Variants in WDR70 observed in about 807,000 individuals in gnomAD.
The protein encoded by WDR70 is WD repeat domain 70.
Under a neutral mutation model 88.6 loss-of-function variants are expected in WDR70, and 53 were observed. The ratio of observed to expected loss-of-function variants is 0.60; its 90% CI spans 0.48 to 0.75. The LOEUF is 0.75. WDR70 is among the 30% of genes least tolerant of loss of function. The pLI, the probability that WDR70 is intolerant of heterozygous loss-of-function variation, is 0.00. For missense variants in WDR70, 610 were observed against 823.2 expected, an observed-to-expected ratio of 0.74 and a Z score of 3.17; for synonymous variants, 280 against 270.0, an observed-to-expected ratio of 1.04 and a Z score of -0.36.
chr5:37,412,573 A>G (rs549080688), intron 5 of WDR70, among the ~76,000 whole-genome samples: 41 of 152,122 alleles, frequency 2.7e-4, no homozygotes, highest in Non-Finnish European at 4.7e-4. Context: ...AGAAAGTTGG[A>G]TTTTTATGAC....
intron 9 of WDR70, among the ~76,000 whole-genome samples, chr5:37,518,537 T>C (rs937270235): frequency 5.3e-5 from 8 of 152,212 alleles, no homozygotes; most frequent in African/African-American, 1.9e-4. Flanking sequence ...CTGGATCTCA[T>C]TCTTTTTTCA....
chr5:37,706,716 TACAC>T (rs58482881), intron 13 of WDR70, among the ~76,000 whole-genome samples: 7 of 149,782 alleles, frequency 4.7e-5, no homozygotes, highest in Admixed American at 1.3e-4. Context: ...AACAGAGTAA[TACAC>T]ACACACACAC....
chr5:37,590,781 C>G (rs1173264451), intron 9 of WDR70, among the ~76,000 whole-genome samples: 1 of 151,904 alleles, frequency 6.6e-6, no homozygotes. Context: ...GAAGTGTGGC[C>G]CTGCAGATAC....
chr5:37,478,211 C>T (rs1425450134), intron 7 of WDR70, among the ~76,000 whole-genome samples: 1 of 152,208 alleles, frequency 6.6e-6, no homozygotes, highest in Non-Finnish European at 1.5e-5. Flanking sequence ...CTGCTCTTAG[C>T]AACAGCTATC....
At chr5:37,444,213 T>C (rs1435624945) in intron 7 of WDR70, among the ~76,000 whole-genome samples, 1 of 151,876 alleles carries the variant, frequency 6.6e-6, no homozygotes, top group Non-Finnish European at 1.5e-5. Context: ...TTCTGAGAAA[T>C]GAGAAATTAA....
At position 37,416,590 on chromosome 5, in the gene WDR70, T is replaced by C. The variant is rs541520220; in HGVS notation, c.492+20020T>C. On this transcript the variant is annotated intron_variant, in intron 5 of 17. Transcript: ENST00000265107. Reference sequence around the variant, plus strand: ...GGGCTTGGGAGAGGGCTTCTTTTTTTTTTTTTTTTGAGATAGTTTCCCTGT... The same window carrying C: ...GGGCTTGGGAGAGGGCTTCTTTTTTCTTTTTTTTTGAGATAGTTTCCCTGT... Among the ~76,000 whole-genome samples, 9 of 149,700 alleles carry C rather than the reference T, an allele frequency of 6.0e-5. No individual in the cohort carries two copies. In the South Asian group the frequency reaches 1.0e-3, roughly 17 times the overall value.
intron 3 of WDR70, among the ~76,000 whole-genome samples, chr5:37,390,714 GC>G (rs1748789797): frequency 7.1e-6 from 1 of 140,908 alleles, no homozygotes; most frequent in African/African-American, 2.9e-5. Flanking sequence ...GAAAAAAAGT[GC>G]TGTTTTTTTT....
chr5:37,450,919 A>G (rs747639149), intron 7 of WDR70, among the ~76,000 whole-genome samples: 3 of 151,850 alleles, frequency 2.0e-5, no homozygotes, highest in Non-Finnish European at 4.4e-5. Context: ...TTTTTTTGAG[A>G]TGGAGTTTCA....
At position 37,379,386 on chromosome 5, in the gene WDR70, A is replaced by G. The variant is rs1248854280; in HGVS notation, c.19A>G (p.Ser7Gly). MERSGP[S>G]EVTGSDASGP... Reference sequence around the variant, plus strand: ...GCCAGCCATGGAGCGCTCTGGGCCCAGCGAAGGTGGGTTTCATGAGGCGAG... The same window carrying G: ...GCCAGCCATGGAGCGCTCTGGGCCCGGCGAAGGTGGGTTTCATGAGGCGAG... The change falls in exon 1 of 18, where the codon AGC (serine) becomes GGC (glycine). Residue 7 changes from serine (S) to glycine (G), a missense_variant. Physicochemically the swap from Ser to Gly is moderately conservative, Grantham distance 56. This residue lies in a region of WDR70 where 203 missense variants were observed against 228.1 expected (regional missense o/e 0.89). Transcript: ENST00000265107. 1 of 1,613,634 alleles carries G rather than the reference A, an allele frequency of 6.2e-7. No individual in the cohort carries two copies. The highest frequency in any genetic ancestry group is 8.5e-7 in the Non-Finnish European group (1 of 1,179,812).
chr5:37,519,778 T>G lies in WDR70; in HGVS notation c.917+3188T>G, dbSNP rs971743636. ...TTTCGATTTACTGATTTCCTTTGTT[T>G]TGGATATATACCCAGCAGTGAGTTC... On this transcript the variant is annotated intron_variant, in intron 9 of 17. Coordinates refer to ENST00000265107, the MANE Select transcript of WDR70 (RefSeq NM_018034.4). Among the ~76,000 whole-genome samples the G allele has an allele frequency of 1.2e-4, 18 of 152,362 alleles. No individual in the cohort carries two copies. In the East Asian group the frequency reaches 3.3e-3, roughly 28 times the overall value.
intron 9 of WDR70, among the ~76,000 whole-genome samples, chr5:37,559,674 G>A (rs904400435): frequency 6.3e-4 from 95 of 151,924 alleles, no homozygotes; most frequent in African/African-American, 2.2e-3. Context: ...GTGAAGCCCC[G>A]TCTCTACTAA....
chr5:37,729,143 A>C (rs1036842386), intron 17 of WDR70, among the ~76,000 whole-genome samples: 2 of 151,986 alleles, frequency 1.3e-5, no homozygotes, highest in Admixed American at 6.6e-5. Context: ...GTACTTCCTT[A>C]CTTTCTGGCA....
chr5:37,686,307 C>A (rs1746596789), intron 10 of WDR70, among the ~76,000 whole-genome samples: 1 of 151,532 alleles, frequency 6.6e-6, no homozygotes, highest in Non-Finnish European at 1.5e-5. Context: ...AGAAGGACAC[C>A]CTGTCTCACA....
In WDR70 at chr5:37,443,096, C is replaced by G. The variant is rs774114736; in HGVS notation, c.553-143C>G. The G allele has an allele frequency of 6.1e-5, 51 of 837,924 alleles. 1 individual carries two copies. Among genetic ancestry groups the G allele is most frequent in the Non-Finnish European group, 9.1e-5 (51 of 558,934 alleles). 51.9% of individuals were successfully genotyped at this position (837,924 alleles called of 1,614,324 possible). A position where few individuals can be genotyped will look rare whatever the true frequency, so the allele number is the denominator to read the frequency against. ...TATGGAAGGCAACCATCCATTCCTG[C>G]TTTTCAGAAGTAACAATAGTTGGTG... On this transcript the variant is annotated intron_variant, in intron 6 of 17. Coordinates refer to ENST00000265107, the MANE Select transcript of WDR70 (RefSeq NM_018034.4).
chr5:37,576,971 C>T (rs764621107), intron 9 of WDR70, among the ~76,000 whole-genome samples: 6 of 152,120 alleles, frequency 3.9e-5, no homozygotes, highest in Non-Finnish European at 7.4e-5. Context: ...ATCCAGGACA[C>T]TCGTGGCAAG....
intron 8 of WDR70, among the ~76,000 whole-genome samples, chr5:37,484,262 A>G (rs1163420746): frequency 6.6e-6 from 1 of 152,230 alleles, no homozygotes; most frequent in Non-Finnish European, 1.5e-5. Context: ...CAGCCTGGGC[A>G]ACATTGAGCA....
chr5:37,509,787 T>A (rs2112239878), intron 8 of WDR70, among the ~76,000 whole-genome samples: 1 of 150,286 alleles, frequency 6.7e-6, no homozygotes, highest in African/African-American at 2.5e-5. Context: ...GCCCTATAGA[T>A]TCTTTTTTTT....
intron 9 of WDR70, among the ~76,000 whole-genome samples, chr5:37,576,826 A>G (rs1311539735): frequency 6.6e-6 from 1 of 151,244 alleles, no homozygotes; most frequent in African/African-American, 2.4e-5. Context: ...GAGTGACATC[A>G]TCAAATTTAT....
chr5:37,633,271 A>C (rs747292603), intron 10 of WDR70, among the ~76,000 whole-genome samples: 6 of 152,174 alleles, frequency 3.9e-5, no homozygotes, highest in Non-Finnish European at 8.8e-5. Flanking sequence ...TCTTAAATTG[A>C]CTAGATTAGA....
Sources: gnomAD v4.1 joint callset for allele counts (sites outside exome capture counted in the v4.1 genomes callset) on GRCh38, gnomAD v4.1.1 for gene constraint, gnomAD v4.1.1 regional missense constraint, MANE v1.5 for transcripts, NCBI Gene and HGNC (gene_info 2026-07-23, HGNC 2026-07-21) for gene names.